The following SLC28A1 variants were observed in gnomAD, a reference collection of about 807,000 sequenced individuals.
SLC28A1 encodes the protein sodium/nucleoside cotransporter 1.
In SLC28A1, 64 loss-of-function variants were observed where a neutral mutation model predicts 74.8. The ratio of observed to expected loss-of-function variants is 0.86; its 90% CI spans 0.70 to 1.05. SLC28A1 has a LOEUF of 1.05. Among genes scored for constraint, SLC28A1 ranks in the 50% least tolerant of loss-of-function variants. The pLI is 0.00. For missense variants in SLC28A1, 828 were observed against 822.8 expected, an observed-to-expected ratio of 1.01 and a Z score of -0.08; for synonymous variants, 359 against 335.0, an observed-to-expected ratio of 1.07 and a Z score of -0.78.
intron 2 of SLC28A1, chr15:84,887,530 G>C (rs964140457): frequency 4.7e-5 from 46 of 985,204 alleles, no homozygotes; most frequent in Non-Finnish European, 5.4e-5. Context: ...GAAAAAGGAA[G>C]AGGTACCTCC....
rs141754904 is a variant in SLC28A1, at chr15:84,940,989, G to C, written c.1582-2456G>C. 2.4e-3 allele frequency: 362 copies of C among 153,238 alleles called. 2 individuals carry two copies. The highest frequency in any genetic ancestry group is 2.6e-3 in the Non-Finnish European group (176 of 68,434). 9.5% of individuals were successfully genotyped at this position (153,238 alleles called of 1,614,324 possible). Reference sequence around the variant, plus strand: ...TTCTGTTTAGTTGACATGGTCATCTGCCTCTCTGGCACTTCTTTGAAAGCT... The same window carrying C: ...TTCTGTTTAGTTGACATGGTCATCTCCCTCTCTGGCACTTCTTTGAAAGCT... On this transcript the variant is annotated intron_variant, in intron 15 of 18. Coordinates refer to ENST00000394573, the MANE Select transcript of SLC28A1 (RefSeq NM_004213.5).
At chr15:84,966,833 G>A in the SLC28A1 span, among the ~76,000 whole-genome samples, 27 of 152,294 alleles carry the variant, frequency 1.8e-4, no homozygotes, top group Non-Finnish European at 3.1e-4. Context: ...CAACGTGTGG[G>A]AATTCAAGAT....
chr15:84,920,840 T>C (rs901592138), intron 10 of SLC28A1, 149 bp from the exon 11 acceptor site: 17 of 715,630 alleles, frequency 2.4e-5, no homozygotes, highest in Non-Finnish European at 4.3e-5. Flanking sequence ...AAGAAGAAGA[T>C]GAATGGACCT....
chr15:84,923,855 A>C (rs950494207), intron 11 of SLC28A1, 130 bp from the exon 12 acceptor site: 25 of 1,212,146 alleles, frequency 2.1e-5, no homozygotes, highest in Non-Finnish European at 2.9e-5. Context: ...AGCCAAGTAC[A>C]GACCCTGGTC....
the SLC28A1 span, among the ~76,000 whole-genome samples, chr15:84,970,862 C>A: frequency 6.6e-6 from 1 of 151,848 alleles, no homozygotes; most frequent in Non-Finnish European, 1.5e-5. Context: ...AAAAACAAAA[C>A]AAAACAAAAA....
chr15:84,912,797 T>TGCGCGCGCGCGTGCGCGCGCGCGCGCGC (rs148740007), intron 9 of SLC28A1, among the ~76,000 whole-genome samples: 1 of 118,174 alleles, frequency 8.5e-6, no homozygotes, highest in African/African-American at 3.3e-5. Context: ...TGCCAAATTT[T>TGCGCGCGCGCGTGCGCGCGCGCGCGCGC]GCGCGCGCGC....
At position 84,945,556 on chromosome 15, in the gene SLC28A1, T is replaced by G; in HGVS notation, c.*356T>G. ...CTCACATGCCCCTTCCCTTCTGTTG[T>G]GGGCTGCACACCAAAGCCTCCTCCC... On this transcript the variant is annotated 3_prime_UTR_variant, in exon 19 of 19. Transcript: ENST00000394573. 2.9e-6 allele frequency: 1 copy of G among 349,828 alleles called. No individual in the cohort carries two copies. The highest frequency in any genetic ancestry group is 7.2e-5 in the East Asian group (1 of 13,794). The allele number at this position is 349,828 out of a possible 1,614,324, so 21.7% of individuals were successfully genotyped here.
At chr15:84,906,313 C>A (rs1463366180) in intron 8 of SLC28A1, among the ~76,000 whole-genome samples, 1 of 151,926 alleles carries the variant, frequency 6.6e-6, no homozygotes, top group Non-Finnish European at 1.5e-5. Flanking sequence ...AGCCACCACA[C>A]CTGGGCCCAT....
chr15:84,888,310 C>T (rs1320656560), intron 3 of SLC28A1, among the ~76,000 whole-genome samples: 1 of 152,150 alleles, frequency 6.6e-6, no homozygotes, highest in South Asian at 2.1e-4. Context: ...ACCCTGCACG[C>T]TCCCAGGCTC....
intron 12 of SLC28A1, among the ~76,000 whole-genome samples, chr15:84,928,590 CTTTCTTTCTTTCTTT>C (rs1567172471): frequency 5.9e-4 from 9 of 15,340 alleles, no homozygotes; most frequent in Non-Finnish European, 7.9e-4. Context: ...TTCTTTCTTT[CTTTCTTTCTTTCTTT>C]TCTTTCTTTC....
intron 12 of SLC28A1, 65 bp from the exon 13 acceptor site, chr15:84,933,080 G>T: frequency 2.5e-6 from 4 of 1,584,504 alleles, no homozygotes; most frequent in South Asian, 2.2e-5. Flanking sequence ...GCCCTGGGCC[G>T]CACTCCTTGG....
the SLC28A1 span, among the ~76,000 whole-genome samples, chr15:84,971,979 A>G: frequency 2.0e-5 from 3 of 152,198 alleles, no homozygotes; most frequent in African/African-American, 7.2e-5. Context: ...AGCTTCAGGT[A>G]TTCTTTTACA....
intron 10 of SLC28A1, among the ~76,000 whole-genome samples, chr15:84,920,155 G>A (rs2030315238): frequency 1.3e-5 from 2 of 152,148 alleles, no homozygotes; most frequent in Admixed American, 1.3e-4. Context: ...TTAAAAAGAA[G>A]AGCTTTCTAG....
At chr15:84,968,654 G>A in the SLC28A1 span, among the ~76,000 whole-genome samples, 1 of 152,242 alleles carries the variant, frequency 6.6e-6, no homozygotes, top group Non-Finnish European at 1.5e-5. Flanking sequence ...CAGGAGGTAG[G>A]CAGCATTGGT....
intron 12 of SLC28A1, among the ~76,000 whole-genome samples, chr15:84,927,335 G>A (rs978104227): frequency 2.6e-5 from 4 of 152,198 alleles, no homozygotes; most frequent in African/African-American, 9.7e-5. Context: ...TCAGAAGGAA[G>A]ACCCAAAGAT....
chr15:84,932,552 G>A (rs1042269843), intron 12 of SLC28A1, among the ~76,000 whole-genome samples: 3 of 152,236 alleles, frequency 2.0e-5, no homozygotes. Context: ...TTGGCTTGCA[G>A]TGGTGAGTTC....
the SLC28A1 span, among the ~76,000 whole-genome samples, chr15:84,972,772 A>G: frequency 6.6e-6 from 1 of 152,250 alleles, no homozygotes; most frequent in Non-Finnish European, 1.5e-5. Flanking sequence ...CCAACTGAGA[A>G]AATGTGAAAT....
intron 6 of SLC28A1, chr15:84,895,662 A>G (rs1965919988): frequency 1.4e-6 from 2 of 1,422,634 alleles, no homozygotes; most frequent in Non-Finnish European, 1.8e-6. Context: ...TGGAGGGAAA[A>G]TTCAGACTTC....
At chr15:84,896,541 C>T (rs1462479807) in intron 6 of SLC28A1, among the ~76,000 whole-genome samples, 3 of 152,150 alleles carry the variant, frequency 2.0e-5, no homozygotes, top group Non-Finnish European at 2.9e-5. Flanking sequence ...TGGCCGGGCA[C>T]GGTGGCTCAT....
Sources: allele counts gnomAD v4.1 joint callset (sites outside exome capture counted in the v4.1 genomes callset), GRCh38; gene constraint gnomAD v4.1.1; transcripts MANE v1.5; gene names NCBI Gene and HGNC (gene_info 2026-07-23, HGNC 2026-07-21).